Variants in PAQR7 observed in about 807,000 individuals in gnomAD.
The protein encoded by PAQR7 is progestin and adipoQ receptor family member 7, also known as membrane progestin receptor alpha.
A neutral mutation model predicts 24.6 loss-of-function variants in PAQR7; 14 were observed. That is an observed-to-expected ratio of 0.57 (90% CI 0.38 to 0.89). The LOEUF is 0.89. PAQR7 is among the 40% of genes least tolerant of loss of function. PAQR7 has a pLI of 0.00. For synonymous variants in PAQR7, 189 were observed against 198.8 expected, an observed-to-expected ratio of 0.95 and a Z score of 0.42; for missense variants, 351 against 444.0, an observed-to-expected ratio of 0.79 and a Z score of 1.88.
At chr1:25,864,953 G>A (rs1347149733) in intron 2 of PAQR7, among the ~76,000 whole-genome samples, 3 of 151,688 alleles carry the variant, frequency 2.0e-5, no homozygotes, top group Non-Finnish European at 2.9e-5. Context: ...TCAGGAGATG[G>A]AGACCATCCT....
intron 2 of PAQR7, among the ~76,000 whole-genome samples, chr1:25,865,934 C>T (rs1390549521): frequency 1.3e-4 from 20 of 150,804 alleles, no homozygotes; most frequent in Non-Finnish European, 2.4e-4. Flanking sequence ...TGCGGTGAGC[C>T]GAGATCGCAC....
At chr1:25,867,661 G>A (rs959716497) in intron 2 of PAQR7, among the ~76,000 whole-genome samples, 3 of 152,180 alleles carry the variant, frequency 2.0e-5, no homozygotes, top group Admixed American at 6.5e-5. Context: ...GTGGCACTGT[G>A]ATCACCCCCA....
rs1308514303 is a variant in PAQR7, at chr1:25,874,849, G to A, written c.-109+639C>T. Among the ~76,000 whole-genome samples the A allele has an allele frequency of 2.0e-5, 3 of 152,292 alleles. No individual in the cohort carries two copies. The East Asian group carries it at 5.8e-4, about 29-fold the overall frequency. On this transcript the variant is annotated intron_variant, in intron 1 of 2. Transcript: ENST00000675840. ...CCCAGGCTCTCCTGACACCAGGGGA[G>A]GCTCCCTCATCCCCCAAGGTGTCTA...
intron 2 of PAQR7, among the ~76,000 whole-genome samples, chr1:25,870,009 C>T (rs966576850): frequency 1.3e-5 from 2 of 152,200 alleles, no homozygotes; most frequent in Admixed American, 6.5e-5. Context: ...AGAGGCCTCA[C>T]TCCACCTAAG....
chr1:25,868,362 C>T (rs955015828), intron 2 of PAQR7, among the ~76,000 whole-genome samples: 4 of 152,164 alleles, frequency 2.6e-5, no homozygotes, highest in Admixed American at 2.6e-4. Flanking sequence ...AAGTCCAGTC[C>T]TGTGCTCCAT....
intron 2 of PAQR7, among the ~76,000 whole-genome samples, chr1:25,864,704 A>C (rs2048542123): frequency 6.6e-6 from 1 of 152,116 alleles, no homozygotes; most frequent in African/African-American, 2.4e-5. Flanking sequence ...CAAAAAAGTT[A>C]GCCAGGTGTG....
chr1:25,874,274 G>C (rs1228409307), intron 1 of PAQR7, among the ~76,000 whole-genome samples: 1 of 151,496 alleles, frequency 6.6e-6, no homozygotes, highest in Non-Finnish European at 1.5e-5. Context: ...TTGAACTCAC[G>C]GCTTAAGCCA....
In PAQR7 at chr1:25,875,648, C is replaced by T. The variant is rs2124207402; in HGVS notation, c.-269G>A. ...CCGCGGGCCCAGGCGACGCCGAGCG[C>T]CCCGCACCCCGCCCGCCGCGCACAA... On this transcript the variant is annotated 5_prime_UTR_variant, in exon 1 of 3. Coordinates refer to ENST00000675840, the MANE Select transcript of PAQR7 (RefSeq NM_178422.6). This position sits in a 1 kb window ranked among gnomAD's most constrained non-coding sequence, Gnocchi z 5.4. 6.6e-6 allele frequency among the ~76,000 whole-genome samples: 1 copy of T among 152,068 alleles called. No individual in the cohort carries two copies. Among genetic ancestry groups the T allele is most frequent in the East Asian group, 1.9e-4 (1 of 5,172 alleles).
Position 25,863,405 on chromosome 1 carries a change from C to T in PAQR7, c.435G>A (p.Gly145=). 1.2e-6 allele frequency: 2 copies of T among 1,614,210 alleles called. No individual in the cohort carries two copies. Residue 145 remains glycine, a synonymous_variant, in exon 3 of 3, where the codon GGG becomes GGA. Transcript: ENST00000675840. This position sits in a 1 kb window ranked among gnomAD's most constrained non-coding sequence, Gnocchi z 6.1. ...HYSFFFLDYV[G]VAVYQFGSAL... ...CACTGCCAAACTGGTACACGGCCAC[C>T]CCCACATAGTCCAGGAAGAAGAAGC... is the stretch of plus-strand genomic sequence containing the variant.
chr1:25,875,650 C>T lies in PAQR7; in HGVS notation c.-271G>A, dbSNP rs2048646730. On this transcript the variant is annotated 5_prime_UTR_variant, in exon 1 of 3. Transcript: ENST00000675840. The surrounding 1 kb of genome is among the most constrained non-coding windows in gnomAD (Gnocchi z 5.4). ...GCGGGCCCAGGCGACGCCGAGCGCCCCGCACCCCGCCCGCCGCGCACAAGC... is the reference window on the plus strand; with the variant it reads ...GCGGGCCCAGGCGACGCCGAGCGCCTCGCACCCCGCCCGCCGCGCACAAGC... 1.3e-5 allele frequency among the ~76,000 whole-genome samples: 2 copies of T among 151,728 alleles called. No individual in the cohort carries two copies. The highest frequency in any genetic ancestry group is 1.9e-4 in the East Asian group (1 of 5,152).
chr1:25,870,308 G>A (rs1013166109), intron 2 of PAQR7, among the ~76,000 whole-genome samples: 1 of 152,188 alleles, frequency 6.6e-6, no homozygotes, highest in Non-Finnish European at 1.5e-5. Flanking sequence ...AAGCCTGGGG[G>A]CTGGTGACCT....
chr1:25,871,795 C>T (rs185705465), intron 1 of PAQR7, among the ~76,000 whole-genome samples: 43 of 152,328 alleles, frequency 2.8e-4, no homozygotes, highest in African/African-American at 9.9e-4. Context: ...TACTATATGC[C>T]AGCCTCAACG....
chr1:25,864,729 T>G (rs570812322), intron 2 of PAQR7, among the ~76,000 whole-genome samples: 1 of 152,140 alleles, frequency 6.6e-6, no homozygotes, highest in South Asian at 2.1e-4. Context: ...CATGTGCCTG[T>G]AGTCCCAGCT....
intron 2 of PAQR7, among the ~76,000 whole-genome samples, chr1:25,867,697 G>C (rs1329529310): frequency 6.6e-6 from 1 of 152,182 alleles, no homozygotes; most frequent in Non-Finnish European, 1.5e-5. Flanking sequence ...GTCACACACA[G>C]TCCAAGTAAA....
intron 1 of PAQR7, among the ~76,000 whole-genome samples, chr1:25,873,586 T>A (rs1416167013): frequency 6.6e-6 from 1 of 152,090 alleles, no homozygotes; most frequent in African/African-American, 2.4e-5. Context: ...TAAGTAACTA[T>A]TTCTTTTCTT....
rs752557686 is a variant in PAQR7, at chr1:25,863,073, GAGA to G, written c.764_766del (p.Phe255del). 5.0e-6 allele frequency: 8 copies of G among 1,613,970 alleles called. No individual in the cohort carries two copies. Among genetic ancestry groups the G allele is most frequent in the South Asian group, 1.1e-5 (1 of 91,082 alleles). On this transcript the variant is annotated inframe_deletion, in exon 3 of 3. Coordinates refer to ENST00000675840, the MANE Select transcript of PAQR7 (RefSeq NM_178422.6). This position sits in a 1 kb window ranked among gnomAD's most constrained non-coding sequence, Gnocchi z 6.1. ...GAACCAGCGCTCGGGCATGAAGGTAGAGAAGAAGGCAGCAGCCAGCAGAAAGAA... is the reference window on the plus strand; with the variant it reads ...GAACCAGCGCTCGGGCATGAAGGTAGAGAAGGCAGCAGCCAGCAGAAAGAA...
rs537795798 is a variant in PAQR7, at chr1:25,875,397, CCAGCCCCGCAGCCCCG to C, written c.-109+75_-109+90del. 6.6e-6 allele frequency among the ~76,000 whole-genome samples: 1 copy of C among 152,136 alleles called. No homozygotes were observed. The highest frequency in any genetic ancestry group is 1.5e-5 in the Non-Finnish European group (1 of 68,016). On this transcript the variant is annotated intron_variant, in intron 1 of 2. Transcript: ENST00000675840. The surrounding 1 kb of genome is among the most constrained non-coding windows in gnomAD (Gnocchi z 5.4). ...CCGCGGAGCCTTGCTCTTTCCACGT[CCAGCCCCGCAGCCCCG>C]CAGCCCCGCCGCGCCCCGTGGAGAG...
At chr1:25,872,876 T>C (rs1024079158) in intron 1 of PAQR7, among the ~76,000 whole-genome samples, 5 of 152,202 alleles carry the variant, frequency 3.3e-5, no homozygotes, top group African/African-American at 1.2e-4. Flanking sequence ...ACACCTATTA[T>C]AAGCATTATT....
At chr1:25,874,203 A>C (rs975997091) in intron 1 of PAQR7, among the ~76,000 whole-genome samples, 4 of 148,312 alleles carry the variant, frequency 2.7e-5, no homozygotes, top group South Asian at 4.2e-4. Flanking sequence ...TTTTTTAAAC[A>C]GGGTCTATGC....
Sources: allele counts gnomAD v4.1 joint callset (sites outside exome capture counted in the v4.1 genomes callset), GRCh38; gene constraint gnomAD v4.1.1; non-coding constraint Gnocchi (gnomAD v3.1); transcripts MANE v1.5; gene names NCBI Gene and HGNC (gene_info 2026-07-23, HGNC 2026-07-21).